DNMT3A: variants seen among roughly 807,000 people sequenced by gnomAD.
DNMT3A encodes the protein DNA (cytosine-5)-methyltransferase 3A.
Under a neutral mutation model 117.6 loss-of-function variants are expected in DNMT3A, and 267 were observed. That is an observed-to-expected ratio of 2.27 (90% CI 2.05 to 2.51). The LOEUF is 2.51. Ranked by LOEUF, DNMT3A falls within the 30% of genes most tolerant of loss-of-function variation. The probability of loss-of-function intolerance (pLI) is 0.00; values close to 1 mark genes in which losing one functional copy is unlikely to be tolerated. For synonymous variants in DNMT3A, 432 were observed against 474.8 expected (o/e 0.91, Z 1.17); for missense variants, 1,029 against 1,260.2 (o/e 0.82, Z 2.78).
intron 4 of DNMT3A, among the ~76,000 whole-genome samples, chr2:25,275,994 C>G (rs575083408): frequency 5.3e-5 from 8 of 152,260 alleles, no homozygotes; most frequent in Admixed American, 4.6e-4. Context: ...AGCGGCCTCC[C>G]TGGCCCTGCA....
rs574191951 is a variant in DNMT3A, at chr2:25,245,392, C to A, written c.1475-60G>T. On this transcript the variant is annotated intron_variant, in intron 12 of 22. Transcript: ENST00000321117. The stretch of plus-strand genomic sequence containing the variant: ...ACCGAAGGGCCTCTCCCTCCCCGGG[C>A]CGGAGCCCAGCACCAGACCAGCCAC... 8.7e-6 allele frequency: 13 copies of A among 1,502,112 alleles called. No individual in the cohort carries two copies. The South Asian group carries it at 1.3e-4, about 15-fold the overall frequency. 93.0% of individuals were successfully genotyped at this position (1,502,112 alleles called of 1,614,324 possible).
intron 1 of DNMT3A, chr2:25,314,379 C>T: frequency 1.0e-6 from 1 of 985,314 alleles, no homozygotes; most frequent in Non-Finnish European, 1.2e-6. Context: ...AGCAGTCTCC[C>T]CTCCGTGTCG....
At position 25,257,702 on chromosome 2, in the gene DNMT3A, A is replaced by G. The variant is rs1197392575; in HGVS notation, c.640-9450T>C. Among the ~76,000 whole-genome samples the G allele has an allele frequency of 2.0e-5, 3 of 152,110 alleles. No individual in the cohort carries two copies. The highest frequency in any genetic ancestry group is 2.9e-5 in the Non-Finnish European group (2 of 68,000). Reference sequence around the variant, plus strand: ...AGAACCCCAGATTCACTTTGGTTTAATTGCATCTGGATCACCCAAGGAGGG... The same window carrying G: ...AGAACCCCAGATTCACTTTGGTTTAGTTGCATCTGGATCACCCAAGGAGGG... On this transcript the variant is annotated intron_variant, in intron 6 of 22. Coordinates refer to ENST00000321117, the MANE Select transcript of DNMT3A (RefSeq NM_022552.5). This position sits in a 1 kb window ranked among gnomAD's most constrained non-coding sequence, Gnocchi z 4.8.
intron 2 of DNMT3A, among the ~76,000 whole-genome samples, chr2:25,302,383 T>C (rs2033567682): frequency 6.6e-6 from 1 of 151,966 alleles, no homozygotes; most frequent in Non-Finnish European, 1.5e-5. Context: ...GACACGGCAG[T>C]GAGGGCTGGA....
intron 20 of DNMT3A, among the ~76,000 whole-genome samples, chr2:25,238,530 G>A (rs1341715343): frequency 6.6e-6 from 1 of 152,048 alleles, no homozygotes; most frequent in Non-Finnish European, 1.5e-5. Flanking sequence ...AATTTATTTC[G>A]CCTAAAAAGC....
Position 25,239,877 on chromosome 2 carries a change from A to G in DNMT3A, c.2322+425T>C, listed in dbSNP as rs1032120277. 1.3e-4 allele frequency among the ~76,000 whole-genome samples: 20 copies of G among 152,192 alleles called. 1 individual carries two copies. On this transcript the variant is annotated intron_variant, in intron 19 of 22. Transcript: ENST00000321117. ...GGGGACTCACATGATAAGGAATGAA[A>G]ACTGAGCTAAGTCTTGTTTTCTTCT...
chr2:25,286,645 T>C lies in DNMT3A; in HGVS notation c.178-3934A>G, dbSNP rs1298486571. Among the ~76,000 whole-genome samples the C allele has an allele frequency of 6.6e-6, 1 of 152,210 alleles. No individual in the cohort carries two copies. Among genetic ancestry groups the C allele is most frequent in the Non-Finnish European group, 1.5e-5 (1 of 68,032 alleles). On this transcript the variant is annotated intron_variant, in intron 3 of 22. Transcript: ENST00000321117. The surrounding 1 kb of genome is among the most constrained non-coding windows in gnomAD (Gnocchi z 4.3). ...AGTGTGGCCCCTCAATGGGGCTCTC[T>C]GGGGCTCAGGGTGACCAGCAGGACA... is the stretch of plus-strand genomic sequence containing the variant.
At chr2:25,248,802 C>T (rs981664803) in intron 6 of DNMT3A, among the ~76,000 whole-genome samples, 1 of 152,190 alleles carries the variant, frequency 6.6e-6, no homozygotes, top group Non-Finnish European at 1.5e-5. Context: ...CCCGCCTCAG[C>T]CTCCCAAAGT....
chr2:25,240,543 C>A (rs1673886325), intron 18 of DNMT3A, 93 bp from the exon 19 acceptor site: 3 of 1,589,000 alleles, frequency 1.9e-6, no homozygotes, highest in Admixed American at 1.7e-5. Flanking sequence ...AAGACAGGGT[C>A]ATCGGGAATA....
At chr2:25,248,920 GGTTT>G (rs1675191853) in intron 6 of DNMT3A, among the ~76,000 whole-genome samples, 1 of 152,240 alleles carries the variant, frequency 6.6e-6, no homozygotes, top group Non-Finnish European at 1.5e-5. Flanking sequence ...ACAACGTGCA[GGTTT>G]GTTACATATG....
At chr2:25,241,874 C>T (rs1354961695) in intron 16 of DNMT3A, 167 bp from the exon 17 acceptor site, 1 of 862,698 alleles carries the variant, frequency 1.2e-6, no homozygotes, top group Admixed American at 3.0e-5. Context: ...ACTGGAGTAT[C>T]CATAGTAAGG....
intron 6 of DNMT3A, among the ~76,000 whole-genome samples, chr2:25,263,578 C>T (rs752637364): frequency 9.9e-5 from 15 of 152,116 alleles, no homozygotes; most frequent in South Asian, 4.1e-4. Flanking sequence ...CTTAATAAAG[C>T]GGCAGAGGGC....
Position 25,247,746 on chromosome 2 carries a change from C to A in DNMT3A, c.859G>T (p.Gly287Cys). The A allele has an allele frequency of 5.0e-6, 8 of 1,612,082 alleles. No homozygotes were observed. Among genetic ancestry groups the A allele is most frequent in the Non-Finnish European group, 6.8e-6 (8 of 1,179,976 alleles). The change falls in exon 8 of 23, where the codon GGC becomes TGC. Residue 287 changes from glycine to cysteine, a missense_variant. Physicochemically the swap from Gly to Cys is radical, Grantham distance 159. Coordinates refer to ENST00000321117, the MANE Select transcript of DNMT3A (RefSeq NM_022552.5). The surrounding 1 kb of genome is among the most constrained non-coding windows in gnomAD (Gnocchi z 5.6). ...AGCTCCCCAATGCCAAAGCCCCGGC[C>A]GTCCTGGAGCCCCAAGGAGCAGAAA... ...AGDDEPEYED[G>C]RGFGIGELVW... is the part of the protein sequence containing the mutation.
chr2:25,310,214 T>C (rs2034032114), intron 2 of DNMT3A, among the ~76,000 whole-genome samples: 1 of 152,052 alleles, frequency 6.6e-6, no homozygotes, highest in Non-Finnish European at 1.5e-5. Context: ...TGATTCATAT[T>C]TGGGGATCTG....
In DNMT3A at chr2:25,252,140, G is replaced by T; in HGVS notation, c.640-3888C>A. Reference sequence around the variant, plus strand: ...GGAGGGCTGCGGAGATCCTCCCACCGGCCCTGCCGCCTCCCCGCCCCCGGT... The same window carrying T: ...GGAGGGCTGCGGAGATCCTCCCACCTGCCCTGCCGCCTCCCCGCCCCCGGT... On this transcript the variant is annotated intron_variant, in intron 6 of 22. Transcript: ENST00000321117. This position sits in a 1 kb window ranked among gnomAD's most constrained non-coding sequence, Gnocchi z 5.5. 6.5e-7 allele frequency: 1 copy of T among 1,542,466 alleles called. No individual in the cohort carries two copies. The highest frequency in any genetic ancestry group is 1.4e-5 in the African/African-American group (1 of 71,950).
chr2:25,273,880 T>C (rs1236163027), intron 6 of DNMT3A, among the ~76,000 whole-genome samples: 2 of 152,186 alleles, frequency 1.3e-5, no homozygotes, highest in Admixed American at 1.3e-4. Flanking sequence ...GCTTTCTCCC[T>C]CAGTCCCTAC....
intron 1 of DNMT3A, among the ~76,000 whole-genome samples, chr2:25,341,592 G>A (rs1300464826): frequency 1.4e-5 from 2 of 146,788 alleles, no homozygotes; most frequent in African/African-American, 4.9e-5. Flanking sequence ...GGGGGCGCCT[G>A]CCGAGCCCGC....
intron 1 of DNMT3A, among the ~76,000 whole-genome samples, chr2:25,328,936 C>T (rs938463938): frequency 2.6e-5 from 4 of 152,154 alleles, no homozygotes; most frequent in Non-Finnish European, 5.9e-5. Context: ...ACCACCCTCT[C>T]CCCACACCGT....
At chr2:25,258,610 T>C (rs899294367) in intron 6 of DNMT3A, among the ~76,000 whole-genome samples, 4 of 152,216 alleles carry the variant, frequency 2.6e-5, no homozygotes, top group Admixed American at 2.6e-4. Flanking sequence ...ACAGCCCTCA[T>C]TCAAGACAGC....
Sources: gnomAD v4.1 joint callset for allele counts (sites outside exome capture counted in the v4.1 genomes callset) on GRCh38, gnomAD v4.1.1 for gene constraint, Gnocchi (gnomAD v3.1) non-coding constraint, MANE v1.5 for transcripts, NCBI Gene and HGNC (gene_info 2026-07-23, HGNC 2026-07-21) for gene names.